Variants in RAP1A observed in about 807,000 individuals in gnomAD.
RAP1A encodes ras-related protein Rap-1A.
Under a neutral mutation model 26.4 loss-of-function variants are expected in RAP1A, and 6 were observed. That is an observed-to-expected ratio of 0.23 (90% CI 0.12 to 0.45). The LOEUF is 0.45. Ranked by LOEUF, RAP1A falls within the 20% of genes least tolerant of loss-of-function variation. The pLI is 0.99. For synonymous variants in RAP1A, 73 were observed against 79.4 expected (o/e 0.92, Z 0.43); for missense variants, 121 against 217.2 (o/e 0.56, Z 2.78).
intron 1 of RAP1A, among the ~76,000 whole-genome samples, chr1:111,586,758 A>T (rs1658372089): frequency 6.6e-6 from 1 of 152,204 alleles, no homozygotes; most frequent in Non-Finnish European, 1.5e-5. Flanking sequence ...AGGATGAATG[A>T]AAAAACAAAC....
chr1:111,590,986 C>A (rs1343461069), intron 1 of RAP1A, among the ~76,000 whole-genome samples: 1 of 152,118 alleles, frequency 6.6e-6, no homozygotes, highest in East Asian at 1.9e-4. Flanking sequence ...AGGTGTTTGG[C>A]AGAATTGCTT....
At chr1:111,556,183 A>T (rs1657484752) in intron 1 of RAP1A, among the ~76,000 whole-genome samples, 1 of 152,214 alleles carries the variant, frequency 6.6e-6, no homozygotes, top group African/African-American at 2.4e-5. Flanking sequence ...AACATCACTA[A>T]TTATTAGGGA....
At chr1:111,668,889 G>A (rs192292061) in intron 1 of RAP1A, among the ~76,000 whole-genome samples, 1 of 151,902 alleles carries the variant, frequency 6.6e-6, no homozygotes, top group Non-Finnish European at 1.5e-5. Context: ...AATTAGCTGG[G>A]CATGGTGGTG....
intron 1 of RAP1A, among the ~76,000 whole-genome samples, chr1:111,653,295 T>G (rs1198708706): frequency 6.6e-6 from 1 of 152,114 alleles, no homozygotes; most frequent in Non-Finnish European, 1.5e-5. Context: ...TGTTTTTTTT[T>G]GGGAGGGGTG....
intron 1 of RAP1A, among the ~76,000 whole-genome samples, chr1:111,607,509 T>C (rs1188663395): frequency 6.6e-6 from 1 of 152,186 alleles, no homozygotes; most frequent in African/African-American, 2.4e-5. Flanking sequence ...CATGGCCCGT[T>C]CTCAATGAGC....
intron 1 of RAP1A, among the ~76,000 whole-genome samples, chr1:111,583,006 C>T (rs1329676861): frequency 6.6e-6 from 1 of 152,114 alleles, no homozygotes; most frequent in African/African-American, 2.4e-5. Flanking sequence ...GAGGCCAATT[C>T]ACTTTCATGG....
rs531661228 is a variant in RAP1A at position 111,569,532 on chromosome 1, C to G, written c.-28+27023C>G. On this transcript the variant is annotated intron_variant, in intron 1 of 7. Coordinates refer to the RAP1A transcript ENST00000356415. ...AGCTGCTGTACTGGGTGCAAGGTCC[C>G]AGGCAAATCAAGTTCTGTCTCTGTA... Among the ~76,000 whole-genome samples, 4 of 152,106 alleles carry G rather than the reference C, an allele frequency of 2.6e-5. No individual in the cohort carries two copies. In the South Asian group the frequency reaches 8.3e-4, roughly 32 times the overall value.
intron 1 of RAP1A, among the ~76,000 whole-genome samples, chr1:111,546,951 T>C (rs1439319154): frequency 6.6e-6 from 1 of 152,214 alleles, no homozygotes; most frequent in Non-Finnish European, 1.5e-5. Context: ...TGTTTTGTTT[T>C]GTTTTGGTTT....
At chr1:111,627,295 A>G (rs1052148704) in intron 1 of RAP1A, among the ~76,000 whole-genome samples, 1 of 152,094 alleles carries the variant, frequency 6.6e-6, no homozygotes, top group Admixed American at 6.5e-5. Flanking sequence ...TTAGAATTAT[A>G]ACTTTATATA....
At chr1:111,563,362 T>TAAGAC (rs1370221206) in intron 1 of RAP1A, among the ~76,000 whole-genome samples, 1 of 152,202 alleles carries the variant, frequency 6.6e-6, no homozygotes, top group Non-Finnish European at 1.5e-5. Flanking sequence ...TCTGGGGAGA[T>TAAGAC]AAGACATTCA....
intron 1 of RAP1A, among the ~76,000 whole-genome samples, chr1:111,642,786 C>CAGCTAA (rs1553218230): frequency 8.4e-6 from 1 of 119,462 alleles, no homozygotes. Flanking sequence ...CGTGCCCAGC[C>CAGCTAA]TTTTTTTTTT....
intron 1 of RAP1A, among the ~76,000 whole-genome samples, chr1:111,673,211 C>G (rs1243859063): frequency 6.6e-6 from 1 of 152,168 alleles, no homozygotes; most frequent in Non-Finnish European, 1.5e-5. Flanking sequence ...ACTCCCCTCC[C>G]CACCAGCATG....
At chr1:111,706,917 GT>G in intron 6 of RAP1A, 1 of 201,030 alleles carries the variant, frequency 5.0e-6, no homozygotes, top group Non-Finnish European at 8.9e-6. Context: ...TTAACTTACT[GT>G]TTTAGTTTAC....
intron 1 of RAP1A, among the ~76,000 whole-genome samples, chr1:111,689,556 AT>A (rs1661604239): frequency 6.6e-6 from 1 of 151,380 alleles, no homozygotes; most frequent in Admixed American, 6.6e-5. Context: ...TTTCTTCCTC[AT>A]TTTTTTCTTT....
At chr1:111,596,774 CAG>C (rs1466930835) in intron 1 of RAP1A, among the ~76,000 whole-genome samples, 1 of 152,176 alleles carries the variant, frequency 6.6e-6, no homozygotes, top group Non-Finnish European at 1.5e-5. Flanking sequence ...GGAAACTCAC[CAG>C]AGTCCTTTTT....
chr1:111,672,273 A>C (rs928598387), intron 1 of RAP1A, among the ~76,000 whole-genome samples: 1 of 152,152 alleles, frequency 6.6e-6, no homozygotes, highest in Admixed American at 6.5e-5. Context: ...ATTGAGTGCT[A>C]TTAACATAAA....
intron 1 of RAP1A, among the ~76,000 whole-genome samples, chr1:111,642,956 G>C (rs1232500103): frequency 6.6e-6 from 1 of 151,918 alleles, no homozygotes; most frequent in African/African-American, 2.4e-5. Context: ...ATTATTAGTA[G>C]AGATGGGGTT....
At chr1:111,548,953 A>G (rs1352588017) in intron 1 of RAP1A, among the ~76,000 whole-genome samples, 1 of 152,334 alleles carries the variant, frequency 6.6e-6, no homozygotes, top group East Asian at 1.9e-4. Context: ...GACATGTTAT[A>G]AGTTAGTACA....
intron 1 of RAP1A, among the ~76,000 whole-genome samples, chr1:111,560,423 G>A (rs1009648019): frequency 1.5e-5 from 2 of 136,810 alleles, no homozygotes; most frequent in African/African-American, 6.3e-5. Context: ...TAAATGAATA[G>A]ACTTTGTGGA....
Sources: allele counts gnomAD v4.1 joint callset (sites outside exome capture counted in the v4.1 genomes callset), GRCh38; gene constraint gnomAD v4.1.1; transcripts MANE v1.5; gene names NCBI Gene and HGNC (gene_info 2026-07-23, HGNC 2026-07-21).